The following ST18 variants were observed in gnomAD, a reference collection of about 807,000 sequenced individuals.
ST18 encodes suppression of tumorigenicity 18 protein.
In ST18, 50 loss-of-function variants were observed where a neutral mutation model predicts 110.0. That is an observed-to-expected ratio of 0.45 (90% confidence interval 0.36 to 0.58). The LOEUF (loss-of-function observed/expected upper bound fraction) is 0.58. ST18 is among the 20% of genes least tolerant of loss of function. The pLI, the probability that ST18 is intolerant of heterozygous loss-of-function variation, is 0.00. For missense variants in ST18, 1,306 were observed against 1,280.1 expected, an observed-to-expected ratio of 1.02 and a Z score of -0.31; for synonymous variants, 461 against 452.4, an observed-to-expected ratio of 1.02 and a Z score of -0.24.
At chr8:52,286,181 A>T (rs910516847) in intron 2 of ST18, among the ~76,000 whole-genome samples, 1 of 152,248 alleles carries the variant, frequency 6.6e-6, no homozygotes, top group African/African-American at 2.4e-5. Context: ...ATCAGTGAAT[A>T]TTCCTTCACA....
At chr8:52,275,921 T>A (rs62499812) in intron 2 of ST18, among the ~76,000 whole-genome samples, 2 of 150,360 alleles carry the variant, frequency 1.3e-5, no homozygotes, top group Non-Finnish European at 3.0e-5. Context: ...TCTTTATGGA[T>A]CCAGGAAAAC....
chr8:52,290,352 G>A (rs151027859), intron 2 of ST18, among the ~76,000 whole-genome samples: 27 of 152,292 alleles, frequency 1.8e-4, no homozygotes, highest in Non-Finnish European at 2.4e-4. Context: ...TTGTGTTCCC[G>A]CAAAGGGAAA....
At chr8:52,185,452 C>A (rs927295358) in intron 8 of ST18, among the ~76,000 whole-genome samples, 4 of 151,998 alleles carry the variant, frequency 2.6e-5, no homozygotes, top group African/African-American at 9.7e-5. Flanking sequence ...TGAAAAGAAC[C>A]AAGAAGAGCA....
At chr8:52,198,553 A>C (rs1481897809) in intron 8 of ST18, among the ~76,000 whole-genome samples, 1 of 152,196 alleles carries the variant, frequency 6.6e-6, no homozygotes, top group East Asian at 1.9e-4. Context: ...TCGCTAACAT[A>C]CTGGAGTAAT....
At chr8:52,294,916 A>G (rs998552219) in intron 2 of ST18, among the ~76,000 whole-genome samples, 1 of 152,204 alleles carries the variant, frequency 6.6e-6, no homozygotes, top group Admixed American at 6.5e-5. Context: ...CTTCTCACAT[A>G]TATTTGTAAG....
At chr8:52,122,852 T>C (rs1179857623) in intron 23 of ST18, among the ~76,000 whole-genome samples, 1 of 152,024 alleles carries the variant, frequency 6.6e-6, no homozygotes, top group African/African-American at 2.4e-5. Flanking sequence ...TAGGGGAAAA[T>C]GAGTTAATGT....
chr8:52,179,494 TGAA>T (rs979037143), intron 9 of ST18, among the ~76,000 whole-genome samples: 1 of 152,198 alleles, frequency 6.6e-6, no homozygotes, highest in African/African-American at 2.4e-5. Context: ...AGTCTCCTTC[TGAA>T]GAAGACTAGT....
At chr8:52,152,685 C>A (rs1010121866) in intron 15 of ST18, among the ~76,000 whole-genome samples, 1 of 152,070 alleles carries the variant, frequency 6.6e-6, no homozygotes, top group Non-Finnish European at 1.5e-5. Flanking sequence ...CAACAAATTT[C>A]TTTTTTATGC....
intron 2 of ST18, among the ~76,000 whole-genome samples, chr8:52,286,080 T>G (rs1362756689): frequency 6.6e-6 from 1 of 152,254 alleles, no homozygotes. Context: ...AAGGAGTTTG[T>G]TTTTGCCTTT....
At chr8:52,329,288 A>C (rs1293982171) in intron 2 of ST18, among the ~76,000 whole-genome samples, 1 of 151,576 alleles carries the variant, frequency 6.6e-6, no homozygotes, top group Admixed American at 6.6e-5. Flanking sequence ...AATGGTAAAA[A>C]AAAAAAAAAA....
At chr8:52,285,801 CA>C (rs1564414157) in intron 2 of ST18, among the ~76,000 whole-genome samples, 1 of 152,206 alleles carries the variant, frequency 6.6e-6, no homozygotes, top group African/African-American at 2.4e-5. Flanking sequence ...CCAGGAGAAG[CA>C]TGTCTCCTCT....
In ST18 at chr8:52,133,377, G is replaced by A. The variant is rs2050562243; in HGVS notation, c.2301-76C>T. ...TGGGGGTCACACTCAAGTTATTTAG[G>A]TTCTTCAGTAATCACATTAATGTTC... On this transcript the variant is annotated intron_variant, in intron 19 of 25. Coordinates refer to ENST00000689386, the MANE Select transcript of ST18 (RefSeq NM_001352837.2). 5 of 1,531,684 alleles carry A rather than the reference G, an allele frequency of 3.3e-6. No individual in the cohort carries two copies. In the South Asian group the frequency reaches 3.4e-5, roughly 10 times the overall value. The allele number at this position is 1,531,684 out of a possible 1,614,324, so 94.9% of individuals were successfully genotyped here.
chr8:52,296,849 A>C (rs891635210), intron 2 of ST18, among the ~76,000 whole-genome samples: 1 of 152,182 alleles, frequency 6.6e-6, no homozygotes, highest in African/African-American at 2.4e-5. Flanking sequence ...CTAGTACAGG[A>C]ACTAAGACAA....
rs914224631 is a variant in ST18 at position 52,408,900 on chromosome 8, G to T, written c.-465+428C>A. The T allele has an allele frequency of 1.1e-4, 16 of 152,218 alleles. 1 individual carries two copies. The highest frequency in any genetic ancestry group is 3.6e-4 in the African/African-American group (15 of 41,442). The allele number at this position is 152,218 out of a possible 1,614,324, so 9.4% of individuals were successfully genotyped here. ...TGATGCTTATTATGTGAAAGCAACA[G>T]ATGTACTTCTCATCTGAGCACAGAA... On this transcript the variant is annotated intron_variant, in intron 2 of 25. Transcript: ENST00000689386.
rs1221886055 is a variant in ST18 at position 52,230,956 on chromosome 8, T to C, written c.-464-879A>G. Among the ~76,000 whole-genome samples, 10 of 152,202 alleles carry C rather than the reference T, an allele frequency of 6.6e-5. No individual in the cohort carries two copies. In the East Asian group the frequency reaches 1.7e-3, roughly 26 times the overall value. On this transcript the variant is annotated intron_variant, in intron 2 of 25. Transcript: ENST00000689386. Reference sequence around the variant, plus strand: ...CTGGTAAAAAGACTTCCTGAAAAACTCATACTACAGAAAAATTAGATTCAA... The same window carrying C: ...CTGGTAAAAAGACTTCCTGAAAAACCCATACTACAGAAAAATTAGATTCAA...
At chr8:52,318,909 A>T (rs565063944) in intron 2 of ST18, among the ~76,000 whole-genome samples, 83 of 143,748 alleles carry the variant, frequency 5.8e-4, no homozygotes, top group African/African-American at 2.0e-3. Flanking sequence ...ACAACAACAT[A>T]CACTGGGGCC....
intron 24 of ST18, 98 bp from the exon 25 acceptor site, chr8:52,116,516 T>C (rs2042603413): frequency 3.3e-6 from 4 of 1,220,972 alleles, no homozygotes; most frequent in Middle Eastern, 2.0e-4. Context: ...ATCTGAATAC[T>C]AAGAGATGCA....
At chr8:52,395,107 T>A (rs1356510605) in intron 2 of ST18, among the ~76,000 whole-genome samples, 1 of 152,152 alleles carries the variant, frequency 6.6e-6, no homozygotes, top group East Asian at 1.9e-4. Context: ...TGTCACAGAG[T>A]GTCCTGGCTG....
chr8:52,173,331 A>T (rs1460485440), intron 9 of ST18, among the ~76,000 whole-genome samples: 2 of 152,190 alleles, frequency 1.3e-5, no homozygotes, highest in African/African-American at 2.4e-5. Flanking sequence ...AAGGTGGGGC[A>T]TTGGAGGGTG....
Sources: allele counts gnomAD v4.1 joint callset (sites outside exome capture counted in the v4.1 genomes callset), GRCh38; gene constraint gnomAD v4.1.1; transcripts MANE v1.5; gene names NCBI Gene and HGNC (gene_info 2026-07-23, HGNC 2026-07-21).